The following CDH23 variants were observed in gnomAD, a reference collection of about 807,000 sequenced individuals.
CDH23 encodes the protein cadherin-23.
In CDH23, 189 loss-of-function variants were observed where a neutral mutation model predicts 317.1. The ratio of observed to expected loss-of-function variants is 0.60; its 90% CI spans 0.53 to 0.67. The LOEUF (loss-of-function observed/expected upper bound fraction) is 0.67, where lower values mean the gene tolerates loss of function less well. CDH23 is among the 30% of genes least tolerant of loss of function. The pLI, the probability that CDH23 is intolerant of heterozygous loss-of-function variation, is 0.00. For missense variants in CDH23, 4,401 were observed against 4,592.4 expected (o/e 0.96, Z 1.20); for synonymous variants, 1,839 against 1,876.8 (o/e 0.98, Z 0.52).
intron 7 of CDH23, among the ~76,000 whole-genome samples, chr10:71,569,958 A>G (rs1025090979): frequency 3.3e-5 from 5 of 152,186 alleles, no homozygotes; most frequent in African/African-American, 1.2e-4. Flanking sequence ...GGCTATTCAC[A>G]GGTGCAATCT....
intron 11 of CDH23, among the ~76,000 whole-genome samples, chr10:71,622,134 C>T (rs1161505294): frequency 6.6e-6 from 1 of 152,158 alleles, no homozygotes. Context: ...GGTGGCTGGG[C>T]GTTTTCTTGT....
chr10:71,593,080 G>C (rs543709171), intron 9 of CDH23, among the ~76,000 whole-genome samples: 3 of 152,326 alleles, frequency 2.0e-5, no homozygotes, highest in South Asian at 2.1e-4. Flanking sequence ...AGGGTGGTGG[G>C]GCCATGCGTG....
chr10:71,645,127 T>C (rs34105928), intron 12 of CDH23, among the ~76,000 whole-genome samples: 10,128 of 152,236 alleles, frequency 0.067, 473 homozygotes, highest in Middle Eastern at 0.082. Flanking sequence ...CAGAAATGCC[T>C]GAACTTGAGT....
intron 37 of CDH23, 139 bp downstream of exon 37, chr10:71,741,089 T>C (rs1839721322): frequency 3.1e-6 from 3 of 965,596 alleles, no homozygotes; most frequent in Non-Finnish European, 4.9e-6. Context: ...GGCTCATTCG[T>C]AGTGATAGCC....
At chr10:71,494,757 G>A (rs1852862999) in intron 3 of CDH23, among the ~76,000 whole-genome samples, 1 of 152,160 alleles carries the variant, frequency 6.6e-6, no homozygotes. Context: ...TGCCTGACTT[G>A]CCTCATGCTA....
At chr10:71,693,636 G>A (rs754100124) in intron 20 of CDH23, among the ~76,000 whole-genome samples, 1 of 152,208 alleles carries the variant, frequency 6.6e-6, no homozygotes, top group Non-Finnish European at 1.5e-5. Flanking sequence ...GCCTGGCACT[G>A]TTCTAAGATT....
chr10:71,632,878 G>A (rs1862080908), intron 11 of CDH23, among the ~76,000 whole-genome samples: 1 of 152,154 alleles, frequency 6.6e-6, no homozygotes, highest in Non-Finnish European at 1.5e-5. Context: ...CTGAAACTGA[G>A]TAACTTAAGA....
At chr10:71,635,296 A>C (rs763273497) in intron 11 of CDH23, 1 of 152,684 alleles carries the variant, frequency 6.5e-6, no homozygotes, top group Non-Finnish European at 1.5e-5. Context: ...CTGCACGTGC[A>C]GGTGAGGAGG....
chr10:71,531,478 G>A (rs1385329279), intron 6 of CDH23, among the ~76,000 whole-genome samples: 2 of 152,206 alleles, frequency 1.3e-5, no homozygotes, highest in East Asian at 3.8e-4. Flanking sequence ...AATATATGCA[G>A]TTGAAATGTG....
chr10:71,684,433 A>AC (rs989886187), intron 18 of CDH23, among the ~76,000 whole-genome samples: 6 of 151,228 alleles, frequency 4.0e-5, no homozygotes, highest in African/African-American at 7.3e-5. Flanking sequence ...AGCCTGCTCC[A>AC]CCCCCCCTGG....
In CDH23 at chr10:71,545,703, C is replaced by T. The variant is rs118051861; in HGVS notation, c.430-21039C>T. On this transcript the variant is annotated intron_variant, in intron 6 of 69. Coordinates refer to ENST00000224721, the MANE Select transcript of CDH23 (RefSeq NM_022124.6). ...CTAGTGGGGGAGACAAGACAACCAA[C>T]GCATACATCTATGTCTGCTGGTGAG... Among the ~76,000 whole-genome samples, 1,425 of 152,230 alleles carry T rather than the reference C, an allele frequency of 9.4e-3. 6 individuals are homozygous for T. Among genetic ancestry groups the T allele is most frequent in the Non-Finnish European group, 0.016 (1,084 of 68,014 alleles).
intron 3 of CDH23, among the ~76,000 whole-genome samples, chr10:71,451,194 C>T (rs1218862682): frequency 2.6e-5 from 4 of 152,284 alleles, no homozygotes. Flanking sequence ...CCTTCCACTC[C>T]CATCACCAAG....
intron 9 of CDH23, among the ~76,000 whole-genome samples, chr10:71,600,095 C>T (rs574253506): frequency 3.2e-4 from 49 of 151,050 alleles, no homozygotes; most frequent in African/African-American, 1.1e-3. Flanking sequence ...CTCCGCCTCC[C>T]AGGTTCAAGC....
chr10:71,725,767 T>G (rs1482863351), intron 30 of CDH23, among the ~76,000 whole-genome samples: 1 of 152,176 alleles, frequency 6.6e-6, no homozygotes, highest in African/African-American at 2.4e-5. Context: ...TCCTAAGGGA[T>G]GAAAGAGGTG....
intron 20 of CDH23, among the ~76,000 whole-genome samples, chr10:71,692,683 C>T (rs1364354655): frequency 4.6e-5 from 7 of 152,204 alleles, no homozygotes; most frequent in Non-Finnish European, 1.0e-4. Context: ...GAGGGCAAGC[C>T]AGTGTGCCAC....
At chr10:71,754,444 C>T (rs1047088246) in intron 38 of CDH23, among the ~76,000 whole-genome samples, 3 of 152,128 alleles carry the variant, frequency 2.0e-5, no homozygotes, top group African/African-American at 7.2e-5. Context: ...TCAGTTACCT[C>T]TGTAGCCAGG....
At chr10:71,661,725 G>A (rs1330997965) in intron 14 of CDH23, among the ~76,000 whole-genome samples, 1 of 89,444 alleles carries the variant, frequency 1.1e-5, no homozygotes, top group Admixed American at 1.2e-4. Context: ...CACCCTGCGC[G>A]CCCTCCCACC....
intron 41 of CDH23, among the ~76,000 whole-genome samples, chr10:71,780,389 AG>A (rs1217828261): frequency 2.6e-5 from 4 of 152,342 alleles, no homozygotes; most frequent in Non-Finnish European, 5.9e-5. Context: ...GGGGAATGCC[AG>A]GGTGAAGGCA....
At position 71,707,372 on chromosome 10, in the gene CDH23, C is replaced by A. The variant is rs1865831653; in HGVS notation, c.3106+323C>A. 2.9e-6 allele frequency: 4 copies of A among 1,366,930 alleles called. No homozygotes were observed. In the South Asian group the frequency reaches 7.5e-5, roughly 26 times the overall value. 84.7% of individuals were successfully genotyped at this position (1,366,930 alleles called of 1,614,324 possible). ...TAGGGAGGAGCCCTGAGCCCCACTC[C>A]CCGCCCCAAGTCTGGGTGACAGAGC... On this transcript the variant is annotated intron_variant, in intron 26 of 69. Coordinates refer to ENST00000224721, the MANE Select transcript of CDH23 (RefSeq NM_022124.6).
Sources: gnomAD v4.1 joint callset for allele counts (sites outside exome capture counted in the v4.1 genomes callset) on GRCh38, gnomAD v4.1.1 for gene constraint, MANE v1.5 for transcripts, NCBI Gene and HGNC (gene_info 2026-07-23, HGNC 2026-07-21) for gene names.